Variants in SIAH3 observed in about 807,000 individuals in gnomAD.
SIAH3 encodes seven in absentia homolog 3.
Under a neutral mutation model 12.6 loss-of-function variants are expected in SIAH3, and 9 were observed. The ratio of observed to expected loss-of-function variants is 0.72; its 90% confidence interval spans 0.43 to 1.25. The LOEUF (loss-of-function observed/expected upper bound fraction) is 1.25. Ranked by LOEUF, SIAH3 falls within the 50% of genes most tolerant of loss-of-function variation. SIAH3 has a pLI of 0.00. For missense variants in SIAH3, 390 were observed against 365.4 expected, an observed-to-expected ratio of 1.07 and a Z score of -0.55; for synonymous variants, 154 against 151.1, an observed-to-expected ratio of 1.02 and a Z score of -0.14.
At position 45,788,074 on chromosome 13, in the gene SIAH3, G is replaced by A. The variant is rs939657499; in HGVS notation, c.136-4017C>T. ...AATAACTATGCAAATAGAGTGGGACGTGATACACTCATTGAGACCTGTGTA... is the reference window on the plus strand; with the variant it reads ...AATAACTATGCAAATAGAGTGGGACATGATACACTCATTGAGACCTGTGTA... On this transcript the variant is annotated intron_variant, in intron 1 of 1. Coordinates refer to ENST00000400405, the MANE Select transcript of SIAH3 (RefSeq NM_198849.3). Among the ~76,000 whole-genome samples, 104 of 152,332 alleles carry A rather than the reference G, an allele frequency of 6.8e-4. 1 individual carries two copies. Among genetic ancestry groups the A allele is most frequent in the African/African-American group, 2.3e-3 (94 of 41,564 alleles).
chr13:45,811,109 C>G (rs140299098), intron 1 of SIAH3, among the ~76,000 whole-genome samples: 1 of 152,268 alleles, frequency 6.6e-6, no homozygotes, highest in East Asian at 1.9e-4. Context: ...CTCAGAGTGT[C>G]ATTTGTAAAA....
rs774691735 is a variant in SIAH3, at chr13:45,783,956, G to A, written c.237C>T (p.His79=). Reference sequence around the variant, plus strand: ...GGGGGTGGGCGTGGTGGCGGAGGTGGTGGTGGTGGCGGTGGTGGCAGTGGT... The same window carrying A: ...GGGGGTGGGCGTGGTGGCGGAGGTGATGGTGGTGGCGGTGGTGGCAGTGGT... ...SHHHCHHRHH[H]HLRHHAHPHH... is the part of the protein sequence containing the mutation. Residue 79 remains histidine (H), a synonymous_variant, in exon 2 of 2, where the codon CAC becomes CAT. Coordinates refer to ENST00000400405, the MANE Select transcript of SIAH3 (RefSeq NM_198849.3). 6.2e-7 allele frequency: 1 copy of A among 1,606,452 alleles called. No homozygotes were observed. The highest frequency in any genetic ancestry group is 8.5e-7 in the Non-Finnish European group (1 of 1,176,700).
intron 1 of SIAH3, among the ~76,000 whole-genome samples, chr13:45,850,636 A>T (rs1199616634): frequency 6.6e-6 from 1 of 150,852 alleles, no homozygotes; most frequent in East Asian, 2.0e-4. Context: ...GTGGCCCATC[A>T]TTCCTTTCCC....
chr13:45,794,691 C>T (rs1241777226), intron 1 of SIAH3, among the ~76,000 whole-genome samples: 2 of 152,170 alleles, frequency 1.3e-5, no homozygotes, highest in Non-Finnish European at 1.5e-5. Context: ...TCCTTCACTT[C>T]TGCCTTGATT....
At position 45,851,739 on chromosome 13, in the gene SIAH3, C is replaced by T; in HGVS notation, c.-110G>A. ...GACACTCCGCTCCAGCCCGGCTTAGCGCGCCTTCATATTCATCATCAAAAT... is the reference window on the plus strand; with the variant it reads ...GACACTCCGCTCCAGCCCGGCTTAGTGCGCCTTCATATTCATCATCAAAAT... On this transcript the variant is annotated 5_prime_UTR_variant, in exon 1 of 2. Transcript: ENST00000400405. The T allele has an allele frequency of 7.2e-7, 1 of 1,386,414 alleles. No homozygotes were observed. The highest frequency in any genetic ancestry group is 2.3e-5 in the East Asian group (1 of 43,074). 85.9% of individuals were successfully genotyped at this position (1,386,414 alleles called of 1,614,324 possible).
chr13:45,840,458 A>G (rs1197377648), intron 1 of SIAH3, among the ~76,000 whole-genome samples: 1 of 141,044 alleles, frequency 7.1e-6, no homozygotes, highest in African/African-American at 2.4e-5. Context: ...TGCTCAATAA[A>G]TGTTAGGTAG....
Position 45,839,703 on chromosome 13 carries a change from C to G in SIAH3, c.135+11792G>C, listed in dbSNP as rs562997291. On this transcript the variant is annotated intron_variant, in intron 1 of 1. Coordinates refer to ENST00000400405, the MANE Select transcript of SIAH3 (RefSeq NM_198849.3). ...AAAAATTAGCCGGGCGTGGTGGTAC[C>G]TGCCTGTAATCCCAGCTACTAGGGA... is the stretch of plus-strand genomic sequence containing the variant. Among the ~76,000 whole-genome samples the G allele has an allele frequency of 3.9e-5, 6 of 151,966 alleles. No individual in the cohort carries two copies. The South Asian group carries it at 1.0e-3, about 26-fold the overall frequency.
rs576018368 is a variant in SIAH3 at position 45,788,059 on chromosome 13, C to A, written c.136-4002G>T. Among the ~76,000 whole-genome samples, 34 of 152,326 alleles carry A rather than the reference C, an allele frequency of 2.2e-4. 1 individual carries two copies. The highest frequency in any genetic ancestry group is 7.5e-4 in the African/African-American group (31 of 41,568). ...AAAGAGCCTGAAGTGAATAACTATG[C>A]AAATAGAGTGGGACGTGATACACTC... On this transcript the variant is annotated intron_variant, in intron 1 of 1. Transcript: ENST00000400405.
Position 45,850,175 on chromosome 13 carries a change from G to C in SIAH3, c.135+1320C>G, listed in dbSNP as rs76776582. 7.1e-3 allele frequency among the ~76,000 whole-genome samples: 1,076 copies of C among 152,276 alleles called. 13 individuals are homozygous for C. Among genetic ancestry groups the C allele is most frequent in the African/African-American group, 0.024 (997 of 41,550 alleles). ...CAGATCCTAGGTCAGATGCACCATA[G>C]GGGTCCCAGGATAGTCCATCGCCCC... On this transcript the variant is annotated intron_variant, in intron 1 of 1. Coordinates refer to ENST00000400405, the MANE Select transcript of SIAH3 (RefSeq NM_198849.3).
At chr13:45,791,629 T>C (rs1007643180) in intron 1 of SIAH3, among the ~76,000 whole-genome samples, 1 of 152,110 alleles carries the variant, frequency 6.6e-6, no homozygotes, top group Non-Finnish European at 1.5e-5. Flanking sequence ...AAGAGGAGGG[T>C]ACTGACACGT....
chr13:45,797,899 C>T (rs1465538857), intron 1 of SIAH3, among the ~76,000 whole-genome samples: 1 of 152,186 alleles, frequency 6.6e-6, no homozygotes. Flanking sequence ...CAAGTCCCTG[C>T]AGGGTCCATG....
chr13:45,807,722 A>G (rs1566090760), intron 1 of SIAH3, among the ~76,000 whole-genome samples: 1 of 152,218 alleles, frequency 6.6e-6, no homozygotes, highest in African/African-American at 2.4e-5. Flanking sequence ...AAGGACTCTC[A>G]GTGGTGTCAA....
chr13:45,787,218 C>T (rs555986452), intron 1 of SIAH3, among the ~76,000 whole-genome samples: 3 of 152,206 alleles, frequency 2.0e-5, no homozygotes, highest in Admixed American at 6.5e-5. Flanking sequence ...CAAATGTCTC[C>T]ATTCCTTCTA....
At chr13:45,844,488 C>T (rs1950751783) in intron 1 of SIAH3, among the ~76,000 whole-genome samples, 1 of 152,328 alleles carries the variant, frequency 6.6e-6, no homozygotes. Context: ...TGAGAGTTAA[C>T]CATTGGCTTC....
chr13:45,826,439 GCA>G (rs1950676733), intron 1 of SIAH3, among the ~76,000 whole-genome samples: 1 of 108,050 alleles, frequency 9.3e-6, no homozygotes, highest in Non-Finnish European at 2.0e-5. Context: ...ATGAATGGAT[GCA>G]TGGATGGATG....
intron 1 of SIAH3, among the ~76,000 whole-genome samples, chr13:45,835,434 A>G (rs533963337): frequency 1.8e-4 from 28 of 152,202 alleles, no homozygotes; most frequent in Non-Finnish European, 3.5e-4. Flanking sequence ...GATAATAATA[A>G]CAACAACAAT....
chr13:45,821,091 G>T (rs1353223790), intron 1 of SIAH3, among the ~76,000 whole-genome samples: 1 of 152,224 alleles, frequency 6.6e-6, no homozygotes, highest in African/African-American at 2.4e-5. Context: ...GACCTTATTT[G>T]AAGATAGGGT....
chr13:45,784,409 T>TTTG (rs1950519353), intron 1 of SIAH3, among the ~76,000 whole-genome samples: 2 of 150,768 alleles, frequency 1.3e-5, no homozygotes, highest in South Asian at 2.1e-4. Flanking sequence ...TTTTTTTTTT[T>TTTG]TTTTTTTTTT....
At chr13:45,808,671 G>T (rs910137213) in intron 1 of SIAH3, among the ~76,000 whole-genome samples, 1 of 151,698 alleles carries the variant, frequency 6.6e-6, no homozygotes, top group Non-Finnish European at 1.5e-5. Context: ...CTTTATATCA[G>T]TAAAATTTAT....
Sources: gnomAD v4.1 joint callset for allele counts (sites outside exome capture counted in the v4.1 genomes callset) on GRCh38, gnomAD v4.1.1 for gene constraint, MANE v1.5 for transcripts, NCBI Gene and HGNC (gene_info 2026-07-23, HGNC 2026-07-21) for gene names.